The following ALK variants were observed in gnomAD, a reference collection of about 807,000 sequenced individuals.
The protein encoded by ALK is ALK receptor tyrosine kinase.
ALK carries 74 observed loss-of-function variants against 163.1 expected under a neutral mutation model. The observed-to-expected ratio is 0.45, with a 90% CI of 0.38 to 0.55. The LOEUF (loss-of-function observed/expected upper bound fraction) is 0.55. ALK is among the 20% of genes least tolerant of loss of function. The pLI is 0.00. For synonymous variants in ALK, 960 were observed against 843.2 expected (o/e 1.14, Z -2.40); for missense variants, 2,063 against 2,105.3 (o/e 0.98, Z 0.39).
chr2:29,348,162 C>T (rs975981960), intron 5 of ALK, among the ~76,000 whole-genome samples: 1 of 152,074 alleles, frequency 6.6e-6, no homozygotes, highest in Non-Finnish European at 1.5e-5. Context: ...GGGTGGAATG[C>T]ATGAGTTGTA....
At chr2:29,756,926 C>T (rs907595373) in intron 1 of ALK, among the ~76,000 whole-genome samples, 31 of 152,088 alleles carry the variant, frequency 2.0e-4, no homozygotes, top group Admixed American at 5.9e-4. Context: ...CTGGCATTGC[C>T]GTGGGAGAGC....
chr2:29,519,081 A>C (rs1672746631), intron 4 of ALK, among the ~76,000 whole-genome samples: 1 of 152,246 alleles, frequency 6.6e-6, no homozygotes, highest in South Asian at 2.1e-4. Flanking sequence ...TTGTGTATAA[A>C]ACACAAGAGG....
intron 1 of ALK, among the ~76,000 whole-genome samples, chr2:29,832,077 G>A (rs1217722613): frequency 6.6e-6 from 1 of 152,188 alleles, no homozygotes; most frequent in African/African-American, 2.4e-5. Flanking sequence ...ACTGGGAGAT[G>A]AGGTTCCCTG....
chr2:29,485,927 G>A (rs1671766765), intron 4 of ALK, among the ~76,000 whole-genome samples: 2 of 152,188 alleles, frequency 1.3e-5, no homozygotes, highest in Non-Finnish European at 2.9e-5. Context: ...TGCAAGCACT[G>A]ATTCTGGCCC....
chr2:29,733,901 T>C (rs1679817030), intron 1 of ALK, among the ~76,000 whole-genome samples: 1 of 152,140 alleles, frequency 6.6e-6, no homozygotes, highest in Non-Finnish European at 1.5e-5. Flanking sequence ...ACATTGGACC[T>C]GCTGAGCCTG....
At chr2:29,236,342 G>A (rs1237628603) in intron 13 of ALK, among the ~76,000 whole-genome samples, 1 of 152,176 alleles carries the variant, frequency 6.6e-6, no homozygotes, top group Admixed American at 6.5e-5. Flanking sequence ...TCCACCCCTA[G>A]GTGATGCCCT....
intron 26 of ALK, 24 bp downstream of exon 26, chr2:29,207,147 C>A (rs2148151858): frequency 6.3e-7 from 1 of 1,585,380 alleles, no homozygotes; most frequent in East Asian, 2.2e-5. Flanking sequence ...TGCAGGGATA[C>A]CTGGAGGATG....
intron 3 of ALK, among the ~76,000 whole-genome samples, chr2:29,616,377 C>T (rs1391222113): frequency 6.6e-6 from 1 of 152,162 alleles, no homozygotes; most frequent in African/African-American, 2.4e-5. Flanking sequence ...AAAACAAACC[C>T]TCAAATTCCC....
chr2:29,743,745 C>T (rs1416299034), intron 1 of ALK, among the ~76,000 whole-genome samples: 1 of 152,130 alleles, frequency 6.6e-6, no homozygotes, highest in Non-Finnish European at 1.5e-5. Flanking sequence ...CTGAGGCCTG[C>T]CAGTCTTTGT....
chr2:29,421,174 C>T (rs943486458), intron 4 of ALK, among the ~76,000 whole-genome samples: 1 of 151,478 alleles, frequency 6.6e-6, no homozygotes, highest in Non-Finnish European at 1.5e-5. Flanking sequence ...AGCTGCAGAT[C>T]CTTCAATCCA....
At chr2:29,403,657 T>C (rs1222462249) in intron 4 of ALK, among the ~76,000 whole-genome samples, 1 of 127,438 alleles carries the variant, frequency 7.8e-6, no homozygotes, top group African/African-American at 3.0e-5. Flanking sequence ...AGGAGGATCA[T>C]TTGAACCCAG....
intron 8 of ALK, among the ~76,000 whole-genome samples, chr2:29,300,554 CAAA>C (rs10715550): frequency 3.5e-4 from 33 of 95,494 alleles, no homozygotes; most frequent in South Asian, 3.3e-3. Flanking sequence ...GACTCTGTCT[CAAA>C]AAAAAAAAAA....
chr2:29,901,542 C>A (rs1667414520), intron 1 of ALK, among the ~76,000 whole-genome samples: 1 of 152,230 alleles, frequency 6.6e-6, no homozygotes, highest in Admixed American at 6.5e-5. Flanking sequence ...CAAGCCCACC[C>A]ACCAGGTCTG....
chr2:29,259,065 A>G (rs1354955450), intron 11 of ALK, among the ~76,000 whole-genome samples: 1 of 152,202 alleles, frequency 6.6e-6, no homozygotes, highest in East Asian at 1.9e-4. Flanking sequence ...GGACGACAGG[A>G]CTTTTTATTT....
intron 8 of ALK, among the ~76,000 whole-genome samples, chr2:29,317,960 A>G (rs968995635): frequency 2.6e-5 from 4 of 152,222 alleles, no homozygotes; most frequent in Non-Finnish European, 4.4e-5. Context: ...GTATTACAAG[A>G]GCTCAATGTT....
chr2:29,292,176 G>A (rs1395550714), intron 9 of ALK, among the ~76,000 whole-genome samples: 1 of 152,240 alleles, frequency 6.6e-6, no homozygotes, highest in Non-Finnish European at 1.5e-5. Context: ...TATAATGATA[G>A]TGCTGAGGAA....
chr2:29,531,910 C>T lies in ALK; in HGVS notation c.1154+5G>A, dbSNP rs2148158406. 2 of 1,614,098 alleles carry T rather than the reference C, an allele frequency of 1.2e-6. No homozygotes were observed. Among genetic ancestry groups the T allele is most frequent in the Non-Finnish European group, 1.7e-6 (2 of 1,180,010 alleles). ...AATCAATTTTGGACATGGAGAAGTA[C>T]TTACCCATGCTTCCCTGGAGTGGGC... is the stretch of plus-strand genomic sequence containing the variant. On this transcript the variant is annotated splice_donor_5th_base_variant and intron_variant, in intron 4 of 28. Coordinates refer to ENST00000389048, the MANE Select transcript of ALK (RefSeq NM_004304.5).
chr2:29,920,773 G>C lies in ALK; in HGVS notation c.-114C>G. The C allele has an allele frequency of 1.1e-6, 1 of 932,538 alleles. No individual in the cohort carries two copies. 57.8% of individuals were successfully genotyped at this position (932,538 alleles called of 1,614,324 possible). A position where few individuals can be genotyped will look rare whatever the true frequency, so the allele number is the denominator to read the frequency against. On this transcript the variant is annotated 5_prime_UTR_variant, in exon 1 of 29. The change creates a new upstream start codon in the 5' untranslated region. Transcript: ENST00000389048. ...TGGTACCCAGCGGCTCCTTCCACCT[G>C]ATCTCCAGAGGACTGTGCGTGCGCG...
chr2:29,436,260 T>C (rs1385375540), intron 4 of ALK, among the ~76,000 whole-genome samples: 3 of 152,164 alleles, frequency 2.0e-5, no homozygotes, highest in African/African-American at 7.2e-5. Context: ...ACCTTACTGA[T>C]AAAATTCTTA....
Sources: allele counts gnomAD v4.1 joint callset (sites outside exome capture counted in the v4.1 genomes callset), GRCh38; gene constraint gnomAD v4.1.1; transcripts MANE v1.5; gene names NCBI Gene and HGNC (gene_info 2026-07-23, HGNC 2026-07-21).